Variants in FGF1 observed in about 807,000 individuals in gnomAD.
FGF1 encodes beta-endothelial cell growth factor.
FGF1 carries 9 observed loss-of-function variants against 13.4 expected under a neutral mutation model. The observed-to-expected ratio is 0.67, with a 90% CI of 0.40 to 1.17. The LOEUF (loss-of-function observed/expected upper bound fraction) is 1.17, where lower values mean the gene tolerates loss of function less well. Among genes scored for constraint, FGF1 ranks in the 50% most tolerant of loss-of-function variants. The probability of loss-of-function intolerance (pLI) is 0.01; values close to 1 mark genes in which losing one functional copy is unlikely to be tolerated. For missense variants in FGF1, 156 were observed against 192.7 expected (o/e 0.81, Z 1.13); for synonymous variants, 93 against 79.0 (o/e 1.18, Z -0.94).
chr5:142,620,561 A>G (rs1054892836), intron 1 of FGF1, among the ~76,000 whole-genome samples: 1 of 152,248 alleles, frequency 6.6e-6, no homozygotes, highest in African/African-American at 2.4e-5. Flanking sequence ...CCAAACATGT[A>G]TATATCTAAT....
chr5:142,673,716 C>G (rs1221473840), intron 1 of FGF1, among the ~76,000 whole-genome samples: 1 of 152,186 alleles, frequency 6.6e-6, no homozygotes, highest in African/African-American at 2.4e-5. Flanking sequence ...ATGTCCCTGC[C>G]TTTCCTTCAC....
At chr5:142,666,873 G>A (rs2152016372) in intron 1 of FGF1, among the ~76,000 whole-genome samples, 1 of 151,954 alleles carries the variant, frequency 6.6e-6, no homozygotes, top group South Asian at 2.1e-4. Context: ...GAAGTTTGAG[G>A]CTGCAGTGAG....
intron 2 of FGF1, among the ~76,000 whole-genome samples, chr5:142,602,095 C>A (rs1756681514): frequency 1.3e-5 from 2 of 152,050 alleles, no homozygotes; most frequent in South Asian, 4.1e-4. Context: ...TGGCAGAGGC[C>A]AAGGGGCAGG....
intron 2 of FGF1, among the ~76,000 whole-genome samples, chr5:142,608,542 CTATATATATATATATA>C (rs369107817): frequency 0.039 from 2,963 of 75,824 alleles, 100 homozygotes; most frequent in African/African-American, 0.076. Flanking sequence ...ATATACACAT[CTATATATATATATATA>C]TATATATATA....
chr5:142,668,521 G>A (rs1770869055), intron 1 of FGF1, among the ~76,000 whole-genome samples: 1 of 152,146 alleles, frequency 6.6e-6, no homozygotes, highest in African/African-American at 2.4e-5. Context: ...AACTCACCCA[G>A]ACACAGTTAG....
intron 1 of FGF1, among the ~76,000 whole-genome samples, chr5:142,614,471 C>T (rs549533690): frequency 1.3e-5 from 2 of 152,274 alleles, no homozygotes; most frequent in African/African-American, 2.4e-5. Context: ...ATGTTTTGGT[C>T]CCTCCTTCTG....
At chr5:142,642,169 C>A (rs947188685) in intron 1 of FGF1, among the ~76,000 whole-genome samples, 5 of 152,212 alleles carry the variant, frequency 3.3e-5, no homozygotes, top group African/African-American at 1.2e-4. Flanking sequence ...AGCCAGCTGA[C>A]CCTTGGCTTC....
At chr5:142,629,876 A>ATT (rs1259910642) in intron 1 of FGF1, among the ~76,000 whole-genome samples, 41 of 123,822 alleles carry the variant, frequency 3.3e-4, no homozygotes, top group African/African-American at 9.4e-4. Context: ...ATACATATAT[A>ATT]TTATATATAT....
chr5:142,667,003 C>T lies in FGF1; in HGVS notation c.-35+18954G>A, dbSNP rs141228518. On this transcript the variant is annotated intron_variant, in intron 1 of 3. Coordinates refer to ENST00000337706, the MANE Select transcript of FGF1 (RefSeq NM_000800.5). ...AAAGAAAGAAAAACAGAAAAGAAGC[C>T]GGGCACAGTGGCTCACACCTGTAAT... Among the ~76,000 whole-genome samples, 276 of 152,012 alleles carry T rather than the reference C, an allele frequency of 1.8e-3. 1 individual carries two copies. The highest frequency in any genetic ancestry group is 0.014 in the East Asian group (71 of 5,174).
chr5:142,597,404 A>G (rs1043827062), intron 3 of FGF1, among the ~76,000 whole-genome samples: 1 of 152,150 alleles, frequency 6.6e-6, no homozygotes, highest in Non-Finnish European at 1.5e-5. Flanking sequence ...GTACAGTAGA[A>G]CCCAGTGCAG....
At chr5:142,606,517 G>A (rs1423083500) in intron 2 of FGF1, among the ~76,000 whole-genome samples, 1 of 151,986 alleles carries the variant, frequency 6.6e-6, no homozygotes, top group Non-Finnish European at 1.5e-5. Context: ...CAGCTACTCG[G>A]GAGGCTGAGG....
intron 2 of FGF1, among the ~76,000 whole-genome samples, chr5:142,694,615 C>G (rs1233886582): frequency 1.3e-5 from 2 of 152,178 alleles, no homozygotes; most frequent in East Asian, 3.9e-4. Context: ...GCCAAACACC[C>G]TGAGGGAGGA....
At chr5:142,657,910 G>A (rs1347152539) in intron 1 of FGF1, among the ~76,000 whole-genome samples, 1 of 152,138 alleles carries the variant, frequency 6.6e-6, no homozygotes, top group African/African-American at 2.4e-5. Context: ...GTCCTAGGTG[G>A]TTCTGTCTTA....
Position 142,595,015 on chromosome 5 carries a change from T to C in FGF1, c.*275A>G. 1 of 368,578 alleles carries C rather than the reference T, an allele frequency of 2.7e-6. No homozygotes were observed. Among genetic ancestry groups the C allele is most frequent in the South Asian group, 5.5e-5 (1 of 18,168 alleles). The allele number at this position is 368,578 out of a possible 1,614,324, so 22.8% of individuals were successfully genotyped here. ...TAGCCCCACTTTTGCATGGAGGGACTCAGCCTGCAAGAGGCAATTGGAGAT... is the reference window on the plus strand; with the variant it reads ...TAGCCCCACTTTTGCATGGAGGGACCCAGCCTGCAAGAGGCAATTGGAGAT... On this transcript the variant is annotated 3_prime_UTR_variant, in exon 4 of 4. Transcript: ENST00000337706.
upstream of FGF1, among the ~76,000 whole-genome samples, chr5:142,689,177 A>T (rs553484872): frequency 6.6e-6 from 1 of 152,326 alleles, no homozygotes; most frequent in African/African-American, 2.4e-5. Flanking sequence ...TGATACAGTT[A>T]TGTGAAACAC....
intron 1 of FGF1, among the ~76,000 whole-genome samples, chr5:142,665,807 A>G (rs1043193630): frequency 1.3e-5 from 2 of 152,192 alleles, no homozygotes; most frequent in African/African-American, 2.4e-5. Context: ...CTTCAAGCAC[A>G]ACCAATAAGC....
chr5:142,610,945 G>A (rs140515695), intron 2 of FGF1, among the ~76,000 whole-genome samples: 27 of 152,330 alleles, frequency 1.8e-4, no homozygotes, highest in African/African-American at 5.5e-4. Flanking sequence ...AAGAGAAGCC[G>A]TGAAAGGAGT....
chr5:142,653,993 G>A (rs1472888221), intron 1 of FGF1, among the ~76,000 whole-genome samples: 2 of 152,222 alleles, frequency 1.3e-5, no homozygotes, highest in Admixed American at 6.5e-5. Flanking sequence ...TCGGGAGGCT[G>A]AGGCTGGATA....
chr5:142,599,451 C>A (rs2299020), intron 3 of FGF1, among the ~76,000 whole-genome samples: 1 of 151,994 alleles, frequency 6.6e-6, no homozygotes, highest in Middle Eastern at 3.2e-3. Flanking sequence ...CTTGGCAATT[C>A]GATGTAAGTT....
Sources: gnomAD v4.1 joint callset for allele counts (sites outside exome capture counted in the v4.1 genomes callset) on GRCh38, gnomAD v4.1.1 for gene constraint, MANE v1.5 for transcripts, NCBI Gene and HGNC (gene_info 2026-07-23, HGNC 2026-07-21) for gene names.